OTUD7A: variants seen among roughly 807,000 people sequenced by gnomAD.
The protein encoded by OTUD7A is OTU domain-containing protein 7A.
OTUD7A carries 12 observed loss-of-function variants against 65.7 expected under a neutral mutation model. The observed-to-expected ratio is 0.18, with a 90% CI of 0.12 to 0.30. The LOEUF (loss-of-function observed/expected upper bound fraction) is 0.30. Among genes scored for constraint, OTUD7A ranks in the 10% least tolerant of loss-of-function variants. OTUD7A has a pLI of 1.00. For missense variants in OTUD7A, 1,148 were observed against 1,304.8 expected, an observed-to-expected ratio of 0.88 and a Z score of 1.85; for synonymous variants, 641 against 586.3, an observed-to-expected ratio of 1.09 and a Z score of -1.35.
intron 5 of OTUD7A, among the ~76,000 whole-genome samples, chr15:31,534,855 G>A (rs1007845581): frequency 4.6e-5 from 7 of 152,270 alleles, no homozygotes; most frequent in Middle Eastern, 3.4e-3. Context: ...TGTCTAAGAA[G>A]TTGGCCCTCC....
At chr15:31,775,999 G>A (rs1895368829) in intron 1 of OTUD7A, among the ~76,000 whole-genome samples, 1 of 152,206 alleles carries the variant, frequency 6.6e-6, no homozygotes, top group Non-Finnish European at 1.5e-5. Context: ...CAGAACTGAT[G>A]AACATTTCCA....
intron 1 of OTUD7A, among the ~76,000 whole-genome samples, chr15:31,699,330 C>G (rs1250621261): frequency 6.6e-6 from 1 of 152,270 alleles, no homozygotes; most frequent in South Asian, 2.1e-4. Context: ...CCGCCCGCCT[C>G]GGCCTCCCAA....
intron 1 of OTUD7A, among the ~76,000 whole-genome samples, chr15:31,783,117 G>A (rs975960678): frequency 1.3e-5 from 2 of 152,140 alleles, no homozygotes; most frequent in Non-Finnish European, 2.9e-5. Context: ...CCACTGAGCC[G>A]GGAAGAAACC....
chr15:31,659,723 C>A (rs187013893), intron 1 of OTUD7A, among the ~76,000 whole-genome samples: 7 of 152,176 alleles, frequency 4.6e-5, no homozygotes, highest in African/African-American at 1.7e-4. Context: ...AGCCAGAGAG[C>A]CTGACCTCAG....
At chr15:31,586,596 A>G (rs1889545027) in intron 3 of OTUD7A, among the ~76,000 whole-genome samples, 2 of 152,126 alleles carry the variant, frequency 1.3e-5, no homozygotes, top group Non-Finnish European at 2.9e-5. Flanking sequence ...GAGATGGTTG[A>G]GATTCATCTC....
chr15:31,801,318 C>T (rs1379028331), intron 1 of OTUD7A, among the ~76,000 whole-genome samples: 1 of 152,208 alleles, frequency 6.6e-6, no homozygotes, highest in Non-Finnish European at 1.5e-5. Flanking sequence ...TGGGGTCTAG[C>T]GGAACACCAG....
intron 1 of OTUD7A, among the ~76,000 whole-genome samples, chr15:31,710,726 T>A (rs1422049841): frequency 1.3e-5 from 2 of 152,294 alleles, no homozygotes; most frequent in Non-Finnish European, 2.9e-5. Flanking sequence ...GGAAGAGCTA[T>A]CCATTATTGA....
At chr15:31,503,566 A>C in intron 9 of OTUD7A, 125 bp downstream of exon 9, 1 of 1,276,172 alleles carries the variant, frequency 7.8e-7, no homozygotes, top group Non-Finnish European at 1.1e-6. Flanking sequence ...CGTCGAGGAG[A>C]TCTTTGCACA....
chr15:31,612,742 A>G (rs766420179), intron 3 of OTUD7A, among the ~76,000 whole-genome samples: 17 of 152,170 alleles, frequency 1.1e-4, no homozygotes, highest in Non-Finnish European at 2.1e-4. Context: ...CAAATTCAAC[A>G]CAATTCCCAT....
intron 1 of OTUD7A, among the ~76,000 whole-genome samples, chr15:31,742,314 A>G (rs1350288448): frequency 6.6e-6 from 1 of 152,136 alleles, no homozygotes; most frequent in Non-Finnish European, 1.5e-5. Flanking sequence ...ATTTATTACA[A>G]TCATGGCAAA....
intron 10 of OTUD7A, among the ~76,000 whole-genome samples, chr15:31,488,060 C>T (rs1225083654): frequency 6.6e-6 from 1 of 152,094 alleles, no homozygotes; most frequent in South Asian, 2.1e-4. Flanking sequence ...ACCCATGGAC[C>T]CACCCGCCCC....
intron 3 of OTUD7A, among the ~76,000 whole-genome samples, chr15:31,618,898 ATGGT>A (rs1957666073): frequency 6.6e-6 from 1 of 152,108 alleles, no homozygotes; most frequent in African/African-American, 2.4e-5. Flanking sequence ...TAGGGTTTTT[ATGGT>A]TTTAGGTCTA....
At chr15:31,713,067 T>C (rs1177037998) in intron 1 of OTUD7A, among the ~76,000 whole-genome samples, 2 of 152,210 alleles carry the variant, frequency 1.3e-5, no homozygotes, top group East Asian at 1.9e-4. Context: ...ATAGAGGTCA[T>C]ATTTGACAAA....
chr15:31,583,070 T>G (rs552619642), intron 3 of OTUD7A, among the ~76,000 whole-genome samples: 1 of 152,350 alleles, frequency 6.6e-6, no homozygotes, highest in Admixed American at 6.5e-5. Context: ...CAACCCAGTT[T>G]GGCAAAATAA....
Position 31,483,676 on chromosome 15 carries a change from T to C in OTUD7A, c.2420A>G (p.Gln807Arg). 1 of 1,166,912 alleles carries C rather than the reference T, an allele frequency of 8.6e-7. No individual in the cohort carries two copies. The highest frequency in any genetic ancestry group is 1.1e-6 in the Non-Finnish European group (1 of 948,142). 72.3% of individuals were successfully genotyped at this position (1,166,912 alleles called of 1,614,324 possible). ...GCTCTGCGACGACAGCGAGCGGTTC[T>C]GCTGCGGGTACGTGGCGCACGGCCG... ...ALRPCATYPQ[Q>R]NRSLSSQSYS... Residue 807 changes from glutamine to arginine, a missense_variant, in exon 13 of 13, where the codon CAG becomes CGG. Coordinates refer to ENST00000307050, the MANE Select transcript of OTUD7A (RefSeq NM_001382637.1).
At chr15:31,696,096 G>A (rs11629879) in intron 1 of OTUD7A, among the ~76,000 whole-genome samples, 28,204 of 149,746 alleles carry the variant, frequency 0.19, 1,047 homozygotes, top group Admixed American at 0.26. Flanking sequence ...CAGGGGGTTG[G>A]GGAAGGATTT....
rs375708760 is a variant in OTUD7A at position 31,776,980 on chromosome 15, T to TA, written c.-100+93526dup. ...AAAATGCTAAAAAGTAATCTAACTC[T>TA]AAAAAAAAAAAATGGAGCATTTTGT... On this transcript the variant is annotated intron_variant, in intron 1 of 12. Transcript: ENST00000307050. Among the ~76,000 whole-genome samples, 622 of 145,656 alleles carry TA rather than the reference T, an allele frequency of 4.3e-3. 3 individuals are homozygous for TA. Among genetic ancestry groups the TA allele is most frequent in the East Asian group, 0.019 (95 of 5,014 alleles).
chr15:31,508,007 G>A (rs1425615509), intron 8 of OTUD7A, among the ~76,000 whole-genome samples: 3 of 152,178 alleles, frequency 2.0e-5, no homozygotes, highest in Non-Finnish European at 4.4e-5. Flanking sequence ...TGTGTGAAAA[G>A]GCTAGCTGTC....
intron 1 of OTUD7A, among the ~76,000 whole-genome samples, chr15:31,716,264 T>TATAAA (rs1555410156): frequency 4.4e-5 from 2 of 45,628 alleles, no homozygotes; most frequent in African/African-American, 9.1e-5. Flanking sequence ...TATATATTTA[T>TATAAA]ATACATTATA....
Sources: gnomAD v4.1 joint callset for allele counts (sites outside exome capture counted in the v4.1 genomes callset) on GRCh38, gnomAD v4.1.1 for gene constraint, MANE v1.5 for transcripts, NCBI Gene and HGNC (gene_info 2026-07-23, HGNC 2026-07-21) for gene names.